Variants in CHD9 observed in about 807,000 individuals in gnomAD.
The protein encoded by CHD9 is ATP-dependent chromatin remodeler CHD9.
Under a neutral mutation model 316.1 loss-of-function variants are expected in CHD9, and 77 were observed. That is an observed-to-expected ratio of 0.24 (90% CI 0.20 to 0.29). The LOEUF (loss-of-function observed/expected upper bound fraction) is 0.29, where lower values mean the gene tolerates loss of function less well. Among genes scored for constraint, CHD9 ranks in the 10% least tolerant of loss-of-function variants. CHD9 has a pLI of 1.00. For missense variants in CHD9, 2,763 were observed against 3,438.1 expected, an observed-to-expected ratio of 0.80 and a Z score of 4.91; for synonymous variants, 1,129 against 1,158.3, an observed-to-expected ratio of 0.97 and a Z score of 0.51.
intron 1 of CHD9, among the ~76,000 whole-genome samples, chr16:53,136,706 ATT>A (rs2039739694): frequency 6.6e-6 from 1 of 152,174 alleles, no homozygotes; most frequent in Non-Finnish European, 1.5e-5. Flanking sequence ...AATTTAGTGA[ATT>A]CACTACATAT....
intron 23 of CHD9, 88 bp from the exon 24 acceptor site, chr16:53,274,124 AC>A: frequency 1.3e-6 from 1 of 799,210 alleles, no homozygotes; most frequent in East Asian, 2.7e-5. Flanking sequence ...AAATCTGTAC[AC>A]AAATTCCTTC....
At chr16:53,229,128 T>G in intron 8 of CHD9, 28 bp downstream of exon 8, 1 of 1,189,886 alleles carries the variant, frequency 8.4e-7, no homozygotes, top group Non-Finnish European at 1.2e-6. Context: ...AAGACTATTA[T>G]GTGTTGGTCT....
intron 1 of CHD9, among the ~76,000 whole-genome samples, chr16:53,107,111 T>C (rs535492131): frequency 2.0e-5 from 3 of 152,278 alleles, no homozygotes; most frequent in Non-Finnish European, 2.9e-5. Flanking sequence ...TTCAACAGCC[T>C]GGGCAATATA....
intron 1 of CHD9, among the ~76,000 whole-genome samples, chr16:53,110,153 G>A (rs897638403): frequency 1.3e-5 from 2 of 152,092 alleles, no homozygotes; most frequent in Non-Finnish European, 2.9e-5. Context: ...GTCTGGTCCC[G>A]GTAGGCATTT....
intron 2 of CHD9, chr16:53,208,248 A>G: frequency 1.3e-5 from 16 of 1,214,854 alleles, no homozygotes; most frequent in Non-Finnish European, 1.7e-5. Flanking sequence ...ATCTTCTTTC[A>G]ATGCTTTTTT....
At chr16:53,320,700 A>C (rs575062502) in intron 37 of CHD9, among the ~76,000 whole-genome samples, 2 of 152,176 alleles carry the variant, frequency 1.3e-5, no homozygotes, top group African/African-American at 4.8e-5. Flanking sequence ...GTCCAAATGT[A>C]ATGTTTTTAA....
At chr16:53,320,198 TAAAAA>T (rs558919362) in intron 37 of CHD9, among the ~76,000 whole-genome samples, 1 of 126,934 alleles carries the variant, frequency 7.9e-6, no homozygotes, top group Non-Finnish European at 1.7e-5. Context: ...TGAGTCTCTT[TAAAAA>T]AAAAAAAAAA....
intron 10 of CHD9, among the ~76,000 whole-genome samples, chr16:53,232,880 A>G (rs1362848591): frequency 6.6e-6 from 1 of 152,176 alleles, no homozygotes; most frequent in East Asian, 1.9e-4. Flanking sequence ...TTTGTTTTCC[A>G]TGTACAATTA....
intron 24 of CHD9, among the ~76,000 whole-genome samples, chr16:53,280,002 TAATCAAAA>T (rs1335539362): frequency 2.0e-5 from 3 of 152,242 alleles, no homozygotes; most frequent in East Asian, 3.9e-4. Flanking sequence ...AGAATGGTCA[TAATCAAAA>T]AATCAAAAAA....
chr16:53,218,958 A>ATC (rs1179441861), intron 3 of CHD9, among the ~76,000 whole-genome samples: 4 of 152,114 alleles, frequency 2.6e-5, no homozygotes, highest in Admixed American at 2.0e-4. Context: ...ATTAAAAATC[A>ATC]TCTGCACCAG....
intron 37 of CHD9, among the ~76,000 whole-genome samples, chr16:53,320,794 ATACT>A (rs1259780655): frequency 1.3e-5 from 2 of 152,156 alleles, no homozygotes; most frequent in East Asian, 1.9e-4. Context: ...TTAATTATAC[ATACT>A]TCACATATGA....
At chr16:53,186,846 T>G (rs2044057353) in intron 2 of CHD9, among the ~76,000 whole-genome samples, 2 of 152,194 alleles carry the variant, frequency 1.3e-5, no homozygotes, top group South Asian at 4.1e-4. Flanking sequence ...AGGACATGTT[T>G]TCTTTCCCCT....
At chr16:53,273,521 A>G in intron 22 of CHD9, 105 bp from the exon 23 acceptor site, 1 of 781,632 alleles carries the variant, frequency 1.3e-6, no homozygotes, top group South Asian at 2.1e-5. Context: ...AAGATCTCTG[A>G]ACAGACCTCA....
chr16:53,219,312 A>G (rs533082187), intron 3 of CHD9, among the ~76,000 whole-genome samples: 1 of 152,308 alleles, frequency 6.6e-6, no homozygotes, highest in Admixed American at 6.5e-5. Flanking sequence ...AGCGTGGGGA[A>G]AAAATCTGAA....
At chr16:53,226,737 A>G (rs1001971954) in intron 5 of CHD9, among the ~76,000 whole-genome samples, 1 of 152,162 alleles carries the variant, frequency 6.6e-6, no homozygotes, top group African/African-American at 2.4e-5. Flanking sequence ...TCCTAAATAT[A>G]TGTTCTTGAA....
rs985042825 is a variant in CHD9 at position 53,238,682 on chromosome 16, A to C, written c.2877+96A>C. The stretch of plus-strand genomic sequence containing the variant: ...TATTTTCAAATTTAGGATACATTTT[A>C]ATTGCCTACCTAGATCTTAGTTTAA... On this transcript the variant is annotated intron_variant, in intron 12 of 38. Coordinates refer to ENST00000447540, the MANE Select transcript of CHD9 (RefSeq NM_001308319.2). The C allele has an allele frequency of 6.5e-6, 8 of 1,223,700 alleles. No homozygotes were observed. In the African/African-American group the frequency reaches 1.1e-4, roughly 16 times the overall value. 75.8% of individuals were successfully genotyped at this position (1,223,700 alleles called of 1,614,324 possible).
chr16:53,204,598 A>T (rs1264338636), intron 2 of CHD9, among the ~76,000 whole-genome samples: 1 of 152,058 alleles, frequency 6.6e-6, no homozygotes, highest in African/African-American at 2.4e-5. Context: ...TGGACCCTTT[A>T]AATGTGTATC....
intron 2 of CHD9, among the ~76,000 whole-genome samples, chr16:53,173,694 G>A (rs1021097570): frequency 3.3e-5 from 5 of 151,874 alleles, no homozygotes; most frequent in African/African-American, 1.2e-4. Context: ...ACGGGTGCCC[G>A]CCACCATGCC....
chr16:53,082,552 C>T (rs1207533599), intron 1 of CHD9, among the ~76,000 whole-genome samples: 1 of 152,174 alleles, frequency 6.6e-6, no homozygotes, highest in Non-Finnish European at 1.5e-5. Context: ...ATTTTAAATG[C>T]TTTTAACCGA....
Sources: gnomAD v4.1 joint callset for allele counts (sites outside exome capture counted in the v4.1 genomes callset) on GRCh38, gnomAD v4.1.1 for gene constraint, MANE v1.5 for transcripts, NCBI Gene and HGNC (gene_info 2026-07-23, HGNC 2026-07-21) for gene names.